SUMF1: variants seen among roughly 807,000 people sequenced by gnomAD.
SUMF1 encodes the protein formylglycine-generating enzyme.
SUMF1 carries 48 observed loss-of-function variants against 47.6 expected under a neutral mutation model. The ratio of observed to expected loss-of-function variants is 1.01; its 90% CI spans 0.80 to 1.28. The LOEUF (loss-of-function observed/expected upper bound fraction) is 1.28, where lower values mean the gene tolerates loss of function less well. Ranked by LOEUF, SUMF1 falls within the 50% of genes most tolerant of loss-of-function variation. The pLI, the probability that SUMF1 is intolerant of heterozygous loss-of-function variation, is 0.00. For missense variants in SUMF1, 571 were observed against 485.4 expected (o/e 1.18, Z -1.66); for synonymous variants, 230 against 192.1 (o/e 1.20, Z -1.63).
intron 8 of SUMF1, among the ~76,000 whole-genome samples, chr3:4,195,043 A>C (rs1305045709): frequency 6.6e-6 from 1 of 152,160 alleles, no homozygotes; most frequent in Non-Finnish European, 1.5e-5. Context: ...GTGGAGGCTT[A>C]AATTCAAGAA....
At chr3:4,166,325 CT>C (rs1301061873) in intron 8 of SUMF1, among the ~76,000 whole-genome samples, 2 of 152,088 alleles carry the variant, frequency 1.3e-5, no homozygotes, top group Non-Finnish European at 2.9e-5. Flanking sequence ...GGAGTGATGC[CT>C]TTTGTCCACA....
At chr3:4,463,249 T>C (rs747048776) in intron 1 of SUMF1, among the ~76,000 whole-genome samples, 2 of 152,214 alleles carry the variant, frequency 1.3e-5, no homozygotes, top group Non-Finnish European at 2.9e-5. Flanking sequence ...CCCAGCACTT[T>C]GGGAGGCAGA....
chr3:4,306,223 A>AT (rs1698183710), intron 8 of SUMF1, among the ~76,000 whole-genome samples: 1 of 152,184 alleles, frequency 6.6e-6, no homozygotes, highest in Non-Finnish European at 1.5e-5. Flanking sequence ...ATCCAAGAAC[A>AT]ATCTGTAAAA....
intron 8 of SUMF1, among the ~76,000 whole-genome samples, chr3:4,183,896 G>A (rs761100489): frequency 6.6e-6 from 1 of 152,040 alleles, no homozygotes; most frequent in African/African-American, 2.4e-5. Flanking sequence ...GGCAATTAGG[G>A]AGGTGGGTGG....
intron 8 of SUMF1, among the ~76,000 whole-genome samples, chr3:4,279,996 T>G (rs1193795010): frequency 6.6e-6 from 1 of 152,108 alleles, no homozygotes; most frequent in Non-Finnish European, 1.5e-5. Flanking sequence ...TCAACTTTAG[T>G]AAAAACATAT....
In SUMF1 at chr3:4,216,149, G is replaced by T. The variant is rs1018266460; in HGVS notation, c.1015-147404C>A. Among the ~76,000 whole-genome samples, 7 of 152,004 alleles carry T rather than the reference G, an allele frequency of 4.6e-5. No homozygotes were observed. The South Asian group carries it at 1.4e-3, about 31-fold the overall frequency. ...TGCCTGACTTCAAACTATATTACAA[G>T]GCTACAGTAACAAAAACAGCATGGT... On this transcript the variant is annotated intron_variant and NMD_transcript_variant, in intron 8 of 12. Coordinates refer to the SUMF1 transcript ENST00000448413.
rs905482946 is a variant in SUMF1, at chr3:4,303,313, A to T, written c.1014+73017T>A. On this transcript the variant is annotated intron_variant and NMD_transcript_variant, in intron 8 of 12. Transcript: ENST00000448413. Reference sequence around the variant, plus strand: ...GTGGGGCCACGGGACCACAAGTCCCAGCATCCACCGCGCGGCCCAGGACTG... The same window carrying T: ...GTGGGGCCACGGGACCACAAGTCCCTGCATCCACCGCGCGGCCCAGGACTG... 6 of 1,460,902 alleles carry T rather than the reference A, an allele frequency of 4.1e-6. No individual in the cohort carries two copies. The African/African-American group carries it at 9.0e-5, about 22-fold the overall frequency. The allele number at this position is 1,460,902 out of a possible 1,614,324, so 90.5% of individuals were successfully genotyped here.
intron 8 of SUMF1, among the ~76,000 whole-genome samples, chr3:4,151,172 A>T (rs1335997715): frequency 1.3e-5 from 2 of 151,236 alleles, no homozygotes; most frequent in Non-Finnish European, 2.9e-5. Flanking sequence ...CTATACACAC[A>T]CACATACATG....
intron 8 of SUMF1, among the ~76,000 whole-genome samples, chr3:4,317,822 G>A (rs560435183): frequency 6.6e-6 from 1 of 152,284 alleles, no homozygotes; most frequent in East Asian, 1.9e-4. Flanking sequence ...AGGGGTTAGA[G>A]CAATGCCTGA....
chr3:4,072,058 G>A (rs1695539801), intron 8 of SUMF1, among the ~76,000 whole-genome samples: 3 of 152,134 alleles, frequency 2.0e-5, no homozygotes, highest in Non-Finnish European at 4.4e-5. Context: ...CTTGGCATCT[G>A]GCAGGTGCCC....
intron 8 of SUMF1, among the ~76,000 whole-genome samples, chr3:4,201,331 C>T (rs112161371): frequency 5.3e-5 from 8 of 152,056 alleles, no homozygotes; most frequent in Admixed American, 1.3e-4. Context: ...TTCTACTACT[C>T]TCTATCTCCA....
chr3:4,286,667 G>C (rs1237171937), intron 8 of SUMF1, among the ~76,000 whole-genome samples: 1 of 152,092 alleles, frequency 6.6e-6, no homozygotes, highest in Non-Finnish European at 1.5e-5. Context: ...TTACAAATAA[G>C]TTTCGCAAGT....
chr3:4,297,675 C>A (rs932430947), intron 8 of SUMF1, among the ~76,000 whole-genome samples: 1 of 151,248 alleles, frequency 6.6e-6, no homozygotes, highest in African/African-American at 2.4e-5. Context: ...TCCCAAGGCA[C>A]TGGGATTACA....
chr3:4,062,183 G>T (rs1695288570), intron 9 of SUMF1, among the ~76,000 whole-genome samples: 1 of 151,996 alleles, frequency 6.6e-6, no homozygotes, highest in Non-Finnish European at 1.5e-5. Flanking sequence ...CCCTTGCCTG[G>T]GAAATGGAAG....
chr3:4,381,989 T>C (rs1038612643), intron 7 of SUMF1, among the ~76,000 whole-genome samples: 22 of 152,288 alleles, frequency 1.4e-4, no homozygotes, highest in African/African-American at 4.8e-4. Flanking sequence ...AAGGTTGCAG[T>C]GAGCAGTGAC....
chr3:4,448,680 C>G (rs1575236089), intron 3 of SUMF1, among the ~76,000 whole-genome samples: 2 of 152,348 alleles, frequency 1.3e-5, no homozygotes, highest in South Asian at 2.1e-4. Context: ...TGAAAATCTA[C>G]TCCACCGTTT....
At chr3:4,430,276 G>A (rs1295254209) in intron 3 of SUMF1, among the ~76,000 whole-genome samples, 6 of 152,166 alleles carry the variant, frequency 3.9e-5, no homozygotes, top group Non-Finnish European at 7.4e-5. Context: ...ATTTTTAATT[G>A]CAGGACTTCT....
At chr3:4,137,461 G>C (rs765665194) in intron 8 of SUMF1, among the ~76,000 whole-genome samples, 1 of 151,156 alleles carries the variant, frequency 6.6e-6, no homozygotes, top group Non-Finnish European at 1.5e-5. Context: ...ATCACACTCT[G>C]GGGCCTGTTG....
At chr3:4,283,441 A>G (rs1159037451) in intron 8 of SUMF1, among the ~76,000 whole-genome samples, 1 of 152,196 alleles carries the variant, frequency 6.6e-6, no homozygotes, top group African/African-American at 2.4e-5. Context: ...ATTTCATTAA[A>G]TTTCATTAAG....
Sources: allele counts gnomAD v4.1 joint callset (sites outside exome capture counted in the v4.1 genomes callset), GRCh38; gene constraint gnomAD v4.1.1; transcripts MANE v1.5; gene names NCBI Gene and HGNC (gene_info 2026-07-23, HGNC 2026-07-21).